L3MBTL4: variants seen among roughly 807,000 people sequenced by gnomAD.
L3MBTL4 encodes the protein lethal(3)malignant brain tumor-like protein 4.
Under a neutral mutation model 84.5 loss-of-function variants are expected in L3MBTL4, and 70 were observed. That is an observed-to-expected ratio of 0.83 (90% CI 0.68 to 1.01). The LOEUF is 1.01. L3MBTL4 is among the 50% of genes least tolerant of loss of function. L3MBTL4 has a pLI of 0.00. For synonymous variants in L3MBTL4, 274 were observed against 259.8 expected (o/e 1.05, Z -0.52); for missense variants, 715 against 754.8 (o/e 0.95, Z 0.62).
chr18:6,055,081 A>G (rs568493243), intron 16 of L3MBTL4, among the ~76,000 whole-genome samples: 2 of 152,350 alleles, frequency 1.3e-5, no homozygotes, highest in Admixed American at 1.3e-4. Context: ...CATTTGGAGA[A>G]GCAAGTCAAA....
chr18:6,301,092 C>T (rs1434788944), intron 4 of L3MBTL4, among the ~76,000 whole-genome samples: 1 of 151,892 alleles, frequency 6.6e-6, no homozygotes, highest in Admixed American at 6.6e-5. Flanking sequence ...AAGACTAAGC[C>T]ATAGAAAATG....
intron 12 of L3MBTL4, among the ~76,000 whole-genome samples, chr18:6,175,578 G>A (rs1049454539): frequency 6.6e-6 from 1 of 152,124 alleles, no homozygotes; most frequent in African/African-American, 2.4e-5. Flanking sequence ...CACAGAAGAA[G>A]AAGAAAAGTA....
intron 5 of L3MBTL4, among the ~76,000 whole-genome samples, chr18:6,252,974 C>T (rs928471973): frequency 1.2e-4 from 19 of 152,138 alleles, no homozygotes; most frequent in African/African-American, 4.6e-4. Context: ...GAGGCCGAGG[C>T]GAGCAGATCA....
At chr18:6,095,080 C>A (rs558410558) in intron 14 of L3MBTL4, among the ~76,000 whole-genome samples, 31 of 152,236 alleles carry the variant, frequency 2.0e-4, no homozygotes, top group Admixed American at 1.8e-3. Flanking sequence ...CCAAAAAGTA[C>A]AATTTATAAT....
intron 13 of L3MBTL4, among the ~76,000 whole-genome samples, chr18:6,139,204 C>T (rs2060120769): frequency 6.6e-6 from 1 of 152,112 alleles, no homozygotes; most frequent in Non-Finnish European, 1.5e-5. Context: ...GTACCATACA[C>T]TACACCATAC....
intron 16 of L3MBTL4, among the ~76,000 whole-genome samples, chr18:5,982,210 CCTGCACTCCTG>C (rs1477103228): frequency 2.0e-5 from 3 of 152,134 alleles, no homozygotes; most frequent in African/African-American, 7.2e-5. Flanking sequence ...CGGAGTGAGA[CCTGCACTCCTG>C]CTTCCCACAC....
At chr18:6,184,949 C>T (rs1202086765) in intron 12 of L3MBTL4, among the ~76,000 whole-genome samples, 2 of 152,208 alleles carry the variant, frequency 1.3e-5, no homozygotes, top group South Asian at 2.1e-4. Flanking sequence ...ATTTTTTGCA[C>T]TTTGTGCCAG....
chr18:6,019,408 G>C (rs2055146536), intron 16 of L3MBTL4, among the ~76,000 whole-genome samples: 1 of 152,232 alleles, frequency 6.6e-6, no homozygotes, highest in South Asian at 2.1e-4. Flanking sequence ...ACATTAGACT[G>C]TAGTTTAGAA....
intron 12 of L3MBTL4, among the ~76,000 whole-genome samples, chr18:6,204,053 G>A (rs1368072815): frequency 6.6e-6 from 1 of 152,054 alleles, no homozygotes; most frequent in Admixed American, 6.6e-5. Context: ...CCTGCTCCTC[G>A]GGGCCCCAGC....
rs76842192 is a variant in L3MBTL4 at position 6,033,006 on chromosome 18, T to C, written c.1444+47875A>G. On this transcript the variant is annotated intron_variant, in intron 16 of 18. Coordinates refer to ENST00000317931, the MANE Select transcript of L3MBTL4 (RefSeq NM_001330559.2). The stretch of plus-strand genomic sequence containing the variant: ...AAGAAGACTGTATGCCGCTGTTGGG[T>C]AGTGTCCTGTATGTATCGGTTAGAT... Among the ~76,000 whole-genome samples, 1,183 of 152,284 alleles carry C rather than the reference T, an allele frequency of 7.8e-3. 12 individuals carry two copies. Among genetic ancestry groups the C allele is most frequent in the African/African-American group, 0.027 (1,142 of 41,542 alleles).
chr18:6,348,107 C>T (rs974277165), intron 1 of L3MBTL4, among the ~76,000 whole-genome samples: 1 of 151,808 alleles, frequency 6.6e-6, no homozygotes, highest in Admixed American at 6.6e-5. Flanking sequence ...GAACTTTAAA[C>T]TGAAAACTAT....
chr18:6,161,695 T>C (rs577905746), intron 13 of L3MBTL4, among the ~76,000 whole-genome samples: 130 of 152,298 alleles, frequency 8.5e-4, no homozygotes, highest in Non-Finnish European at 1.3e-3. Context: ...CCACTAACTA[T>C]TTCAGGCCCG....
chr18:6,226,691 A>G (rs147389706), intron 10 of L3MBTL4, among the ~76,000 whole-genome samples: 5 of 152,338 alleles, frequency 3.3e-5, no homozygotes, highest in Non-Finnish European at 5.9e-5. Context: ...GTAGACTGCG[A>G]TAATAGGTAT....
At chr18:6,396,431 G>A (rs1383653924) in intron 1 of L3MBTL4, 1 of 152,514 alleles carries the variant, frequency 6.6e-6, no homozygotes, top group Non-Finnish European at 1.5e-5. Flanking sequence ...CCACCCACCA[G>A]GTTGGAAAGT....
intron 1 of L3MBTL4, among the ~76,000 whole-genome samples, chr18:6,405,029 T>C (rs935893037): frequency 2.0e-4 from 31 of 152,140 alleles, no homozygotes; most frequent in African/African-American, 7.2e-4. Context: ...TTTGCTGACA[T>C]GTTTAAATGC....
At chr18:6,364,116 C>A (rs2053831839) in intron 1 of L3MBTL4, among the ~76,000 whole-genome samples, 1 of 152,116 alleles carries the variant, frequency 6.6e-6, no homozygotes, top group South Asian at 2.1e-4. Context: ...TCAACCAACA[C>A]AACACATTGC....
At chr18:6,155,751 T>C (rs945977190) in intron 13 of L3MBTL4, among the ~76,000 whole-genome samples, 15 of 152,194 alleles carry the variant, frequency 9.9e-5, no homozygotes, top group African/African-American at 3.1e-4. Flanking sequence ...TTAGCGCTCA[T>C]TGAATTTTAG....
At chr18:5,968,458 G>A (rs965564577) in intron 17 of L3MBTL4, among the ~76,000 whole-genome samples, 2 of 152,102 alleles carry the variant, frequency 1.3e-5, no homozygotes, top group African/African-American at 4.8e-5. Flanking sequence ...AGTGCTTTGG[G>A]AGGCTGAGGT....
At chr18:6,145,048 AAACAGCAAT>A (rs2042589512) in intron 13 of L3MBTL4, among the ~76,000 whole-genome samples, 1 of 152,200 alleles carries the variant, frequency 6.6e-6, no homozygotes, top group Non-Finnish European at 1.5e-5. Flanking sequence ...TTCTAGGATA[AAACAGCAAT>A]TTTATTTTGA....
Sources: allele counts gnomAD v4.1 joint callset (sites outside exome capture counted in the v4.1 genomes callset), GRCh38; gene constraint gnomAD v4.1.1; transcripts MANE v1.5; gene names NCBI Gene and HGNC (gene_info 2026-07-23, HGNC 2026-07-21).